Variants in IRAG2 observed in about 807,000 individuals in gnomAD.
The protein encoded by IRAG2 is inositol 1,4,5-triphosphate receptor associated 2.
A neutral mutation model predicts 69.9 loss-of-function variants in IRAG2; 45 were observed. The ratio of observed to expected loss-of-function variants is 0.64; its 90% CI spans 0.51 to 0.83. IRAG2 has a LOEUF of 0.83. Among genes scored for constraint, IRAG2 ranks in the 40% least tolerant of loss-of-function variants. The pLI, the probability that IRAG2 is intolerant of heterozygous loss-of-function variation, is 0.00. For synonymous variants in IRAG2, 193 were observed against 202.4 expected (o/e 0.95, Z 0.40); for missense variants, 520 against 587.0 (o/e 0.89, Z 1.18).
chr12:25,070,100 A>C (rs549254979), intron 6 of IRAG2, among the ~76,000 whole-genome samples: 1 of 152,280 alleles, frequency 6.6e-6, no homozygotes, highest in South Asian at 2.1e-4. Flanking sequence ...TTTCTTTTAC[A>C]TTTTAATTGA....
intron 16 of IRAG2, among the ~76,000 whole-genome samples, chr12:25,043,002 TAAAA>T (rs61246525): frequency 7.0e-6 from 1 of 142,904 alleles, no homozygotes; most frequent in Admixed American, 7.0e-5. Flanking sequence ...TCTTTGAAAT[TAAAA>T]AAAAAAAAAA....
At chr12:25,025,653 A>G (rs1944615779) in intron 8 of IRAG2, among the ~76,000 whole-genome samples, 1 of 152,256 alleles carries the variant, frequency 6.6e-6, no homozygotes, top group South Asian at 2.1e-4. Flanking sequence ...GGCAAGAGAA[A>G]AAGCAGGAAG....
intron 1 of IRAG2, 139 bp downstream of exon 1, chr12:25,053,095 T>C: frequency 5.1e-6 from 2 of 395,508 alleles, no homozygotes; most frequent in Non-Finnish European, 8.9e-6. Context: ...AAGGCAATAT[T>C]GTGGGGCTTT....
chr12:25,039,681 C>T (rs186712305), intron 16 of IRAG2, among the ~76,000 whole-genome samples: 12 of 152,296 alleles, frequency 7.9e-5, no homozygotes, highest in South Asian at 6.2e-4. Flanking sequence ...CCGCCCCCCT[C>T]GGCCTCCCAA....
At chr12:25,048,396 AAGCGATTCCTCT>A (rs1210719592), upstream of IRAG2, among the ~76,000 whole-genome samples, 2 of 152,100 alleles carry the variant, frequency 1.3e-5, no homozygotes, top group Non-Finnish European at 1.5e-5. Context: ...TCCCAGGTTC[AAGCGATTCCTCT>A]GCCTCAGCCT....
intron 6 of IRAG2, among the ~76,000 whole-genome samples, chr12:25,071,737 T>C (rs1376783172): frequency 6.6e-6 from 1 of 152,170 alleles, no homozygotes; most frequent in Non-Finnish European, 1.5e-5. Flanking sequence ...TGGCTACTCT[T>C]AGTACACTGA....
intron 6 of IRAG2, among the ~76,000 whole-genome samples, chr12:25,072,201 T>A (rs1946382967): frequency 6.6e-6 from 1 of 150,714 alleles, no homozygotes; most frequent in Admixed American, 6.6e-5. Context: ...CGAAACTCCA[T>A]CTCAAAAGAA....
intron 9 of IRAG2, among the ~76,000 whole-genome samples, chr12:25,029,225 C>T (rs1295088246): frequency 6.6e-6 from 1 of 152,214 alleles, no homozygotes; most frequent in Non-Finnish European, 1.5e-5. Flanking sequence ...AGCCACCATG[C>T]CCAGCCTTCT....
At chr12:25,038,676 TGA>T (rs1944723195) in intron 16 of IRAG2, among the ~76,000 whole-genome samples, 1 of 151,762 alleles carries the variant, frequency 6.6e-6, no homozygotes, top group African/African-American at 2.4e-5. Context: ...ACCAGTATAC[TGA>T]GTTATTTTTT....
At chr12:25,083,979 G>A (rs11522785) in intron 10 of IRAG2, among the ~76,000 whole-genome samples, 13,582 of 152,188 alleles carry the variant, frequency 0.089, 713 homozygotes, top group African/African-American at 0.14. Context: ...AACATGTCAC[G>A]GAGGAAGTAC....
chr12:25,000,206 G>A (rs1944381192), upstream of IRAG2, among the ~76,000 whole-genome samples: 1 of 152,196 alleles, frequency 6.6e-6, no homozygotes, highest in Non-Finnish European at 1.5e-5. Flanking sequence ...AGCACTTTGG[G>A]AGGCTGTGTT....
chr12:25,038,040 C>T (rs1000754725), exon 16 of IRAG2: 2 of 398,660 alleles, frequency 5.0e-6, no homozygotes, highest in Non-Finnish European at 8.9e-6. Flanking sequence ...CTTGGGAAAC[C>T]ACAAAGAGTC....
intron 15 of IRAG2, 72 bp from the exon 16 acceptor site, chr12:25,101,106 T>C (rs1948728834): frequency 1.5e-6 from 2 of 1,337,554 alleles, no homozygotes; most frequent in Non-Finnish European, 2.1e-6. Flanking sequence ...TGAAGGTAAA[T>C]GTGTTTAATC....
At chr12:25,026,502 G>A (rs1410277966) in intron 8 of IRAG2, among the ~76,000 whole-genome samples, 1 of 152,114 alleles carries the variant, frequency 6.6e-6, no homozygotes, top group Admixed American at 6.5e-5. Flanking sequence ...AATGGATTGC[G>A]GGTTCCAGGG....
At chr12:25,013,935 C>T (rs1487065311) in intron 3 of IRAG2, among the ~76,000 whole-genome samples, 4 of 121,734 alleles carry the variant, frequency 3.3e-5, no homozygotes, top group Admixed American at 2.1e-4. Context: ...AGTGCAGTGG[C>T]GCAATCTCGG....
intron 4 of IRAG2, among the ~76,000 whole-genome samples, chr12:25,065,100 AAGAG>A (rs398076502): frequency 4.0e-5 from 6 of 151,786 alleles, no homozygotes; most frequent in African/African-American, 1.2e-4. Flanking sequence ...AAAAAAAAAA[AAGAG>A]AGAGAGAAAG....
At chr12:25,079,518 C>T (rs1426984060) in intron 8 of IRAG2, 56 bp downstream of exon 8, 2 of 1,499,498 alleles carry the variant, frequency 1.3e-6, no homozygotes, top group Non-Finnish European at 1.9e-6. Context: ...AGCTTTCAGC[C>T]TGATGTTCTG....
chr12:25,031,187 C>G (rs1944664972), intron 10 of IRAG2: 6 of 455,082 alleles, frequency 1.3e-5, no homozygotes, highest in Non-Finnish European at 1.7e-5. Flanking sequence ...TGGACTTTGA[C>G]TGGGATACTG....
chr12:25,072,789 C>T (rs187975607), intron 6 of IRAG2, among the ~76,000 whole-genome samples: 1 of 152,240 alleles, frequency 6.6e-6, no homozygotes, highest in East Asian at 1.9e-4. Flanking sequence ...ACCTTTATTT[C>T]CCCATTGTTG....
Sources: allele counts gnomAD v4.1 joint callset (sites outside exome capture counted in the v4.1 genomes callset), GRCh38; gene constraint gnomAD v4.1.1; transcripts MANE v1.5; gene names NCBI Gene and HGNC (gene_info 2026-07-23, HGNC 2026-07-21).